Variants in GPHN observed in about 807,000 individuals in gnomAD.
GPHN encodes the protein gephyrin.
A neutral mutation model predicts 95.5 loss-of-function variants in GPHN; 17 were observed. That is an observed-to-expected ratio of 0.18 (90% CI 0.12 to 0.27). The LOEUF (loss-of-function observed/expected upper bound fraction) is 0.27. GPHN is among the 10% of genes least tolerant of loss of function. The pLI is 1.00. For synonymous variants in GPHN, 320 were observed against 322.5 expected, an observed-to-expected ratio of 0.99 and a Z score of 0.08; for missense variants, 660 against 978.1, an observed-to-expected ratio of 0.67 and a Z score of 4.34.
chr14:67,594,978 A>G, the GPHN span, among the ~76,000 whole-genome samples: 1 of 151,924 alleles, frequency 6.6e-6, no homozygotes, highest in South Asian at 2.1e-4. Context: ...TCTACTAAAA[A>G]TACTAAAAGT....
intron 1 of GPHN, among the ~76,000 whole-genome samples, chr14:66,544,356 T>C (rs1283702621): frequency 6.6e-6 from 1 of 152,248 alleles, no homozygotes; most frequent in African/African-American, 2.4e-5. Flanking sequence ...GTTTCTTTCC[T>C]ATAGCATTTA....
the GPHN span, chr14:67,347,462 C>A: frequency 6.3e-7 from 1 of 1,595,052 alleles, no homozygotes; most frequent in Non-Finnish European, 8.6e-7. Flanking sequence ...ACCTGTTAAA[C>A]ACAGAAGCAT....
intron 3 of GPHN, among the ~76,000 whole-genome samples, chr14:66,808,526 C>T (rs894472365): frequency 3.9e-5 from 6 of 152,160 alleles, no homozygotes; most frequent in African/African-American, 9.7e-5. Context: ...TTAGACCAGG[C>T]GCGGTGGCTC....
chr14:66,612,141 T>C (rs542600056), intron 1 of GPHN, among the ~76,000 whole-genome samples: 1 of 152,228 alleles, frequency 6.6e-6, no homozygotes, highest in African/African-American at 2.4e-5. Flanking sequence ...TTCTTCAGTT[T>C]TGCATGCCTA....
At chr14:67,154,804 T>C (rs1213900884) in intron 18 of GPHN, among the ~76,000 whole-genome samples, 1 of 152,068 alleles carries the variant, frequency 6.6e-6, no homozygotes, top group Admixed American at 6.6e-5. Flanking sequence ...ATAGCATATT[T>C]GGACCAATTC....
chr14:67,225,852 C>T, the GPHN span, among the ~76,000 whole-genome samples: 1 of 152,068 alleles, frequency 6.6e-6, no homozygotes, highest in African/African-American at 2.4e-5. Flanking sequence ...CCCAGTAGCA[C>T]AGAAAGAGTG....
At chr14:67,406,673 T>G in the GPHN span, among the ~76,000 whole-genome samples, 1 of 152,118 alleles carries the variant, frequency 6.6e-6, no homozygotes, top group Non-Finnish European at 1.5e-5. Flanking sequence ...CAGAACAGAA[T>G]AGCCAAAGGA....
chr14:67,374,454 A>AT, the GPHN span: 10 of 1,561,980 alleles, frequency 6.4e-6, no homozygotes, highest in South Asian at 1.2e-5. Context: ...TTTTTTCACA[A>AT]TTTTTTTGTA....
chr14:67,694,717 C>G, the GPHN span, among the ~76,000 whole-genome samples: 1 of 151,706 alleles, frequency 6.6e-6, no homozygotes, highest in African/African-American at 2.4e-5. Context: ...AAAAATATAA[C>G]TGGAAGAGGG....
At chr14:67,040,872 C>T (rs1038309200) in intron 10 of GPHN, among the ~76,000 whole-genome samples, 40 of 152,122 alleles carry the variant, frequency 2.6e-4, no homozygotes, top group African/African-American at 9.7e-4. Flanking sequence ...ACTTTGATCA[C>T]TTGGCTAAAA....
chr14:67,589,764 A>G, the GPHN span: 1 of 1,047,682 alleles, frequency 9.5e-7, no homozygotes, highest in Non-Finnish European at 1.1e-6. Flanking sequence ...AAACATCAAC[A>G]AAGTAAACCT....
the GPHN span, among the ~76,000 whole-genome samples, chr14:67,220,080 A>G: frequency 6.6e-6 from 1 of 152,088 alleles, no homozygotes; most frequent in Admixed American, 6.6e-5. Flanking sequence ...TATATATATT[A>G]TTTTTCTTTT....
the GPHN span, chr14:67,203,173 C>G: frequency 7.1e-5 from 114 of 1,613,884 alleles, no homozygotes; most frequent in Non-Finnish European, 8.7e-5. Context: ...TCCAGCTCCA[C>G]CCACAAGATC....
At chr14:67,204,715 A>G in the GPHN span, 2 of 1,614,002 alleles carry the variant, frequency 1.2e-6, no homozygotes, top group South Asian at 1.1e-5. Flanking sequence ...GGAGAAAGCC[A>G]AAGTTTCCAA....
chr14:66,904,918 C>G (rs1165316157), intron 5 of GPHN, among the ~76,000 whole-genome samples: 1 of 152,086 alleles, frequency 6.6e-6, no homozygotes, highest in Admixed American at 6.6e-5. Flanking sequence ...GGGTCCTATC[C>G]ATTTGGTGTT....
chr14:66,912,547 G>A (rs1016515137), intron 5 of GPHN, among the ~76,000 whole-genome samples: 2 of 152,062 alleles, frequency 1.3e-5, no homozygotes, highest in African/African-American at 4.8e-5. Context: ...GAGTCAACTC[G>A]TATTTAGTGT....
intron 4 of GPHN, among the ~76,000 whole-genome samples, chr14:66,857,674 G>C (rs891449549): frequency 2.0e-5 from 3 of 152,088 alleles, no homozygotes; most frequent in Admixed American, 2.0e-4. Context: ...CAGAAGAAAA[G>C]CATCTTTATC....
intron 5 of GPHN, among the ~76,000 whole-genome samples, chr14:66,884,686 T>C (rs1208155060): frequency 6.6e-6 from 1 of 151,958 alleles, no homozygotes; most frequent in Non-Finnish European, 1.5e-5. Context: ...TGGATTTTAT[T>C]CTCAGTTTTG....
chr14:67,349,946 A>C, the GPHN span, among the ~76,000 whole-genome samples: 3 of 152,170 alleles, frequency 2.0e-5, no homozygotes, highest in Non-Finnish European at 4.4e-5. Context: ...TAAAATCAGA[A>C]ACCTTGAAAA....
Sources: gnomAD v4.1 joint callset for allele counts (sites outside exome capture counted in the v4.1 genomes callset) on GRCh38, gnomAD v4.1.1 for gene constraint, MANE v1.5 for transcripts, NCBI Gene and HGNC (gene_info 2026-07-23, HGNC 2026-07-21) for gene names.